Variants in DPP6 observed in about 807,000 individuals in gnomAD.
The protein encoded by DPP6 is A-type potassium channel modulatory protein DPP6.
Under a neutral mutation model 122.6 loss-of-function variants are expected in DPP6, and 69 were observed. The observed-to-expected ratio is 0.56, with a 90% CI of 0.46 to 0.69. The LOEUF is 0.69. Among genes scored for constraint, DPP6 ranks in the 30% least tolerant of loss-of-function variants. The pLI, the probability that DPP6 is intolerant of heterozygous loss-of-function variation, is 0.00. For synonymous variants in DPP6, 418 were observed against 433.1 expected (o/e 0.97, Z 0.43); for missense variants, 928 against 1,116.9 (o/e 0.83, Z 2.41).
intron 1 of DPP6, among the ~76,000 whole-genome samples, chr7:154,054,029 C>T (rs539541721): frequency 1.4e-5 from 2 of 148,094 alleles, no homozygotes; most frequent in African/African-American, 2.5e-5. Context: ...AAATCCCCGA[C>T]AGGCTCTCAG....
At chr7:154,779,056 CATCA>C (rs1796820392) in intron 10 of DPP6, among the ~76,000 whole-genome samples, 57 of 2,958 alleles carry the variant, frequency 0.019, no homozygotes, top group South Asian at 0.029. Context: ...CTACCCCCAC[CATCA>C]CCACCATCAC....
chr7:154,476,133 CA>C (rs1822714904), intron 3 of DPP6, among the ~76,000 whole-genome samples: 3 of 152,222 alleles, frequency 2.0e-5, no homozygotes, highest in African/African-American at 7.2e-5. Flanking sequence ...TAGGGGCAAT[CA>C]CTTTTCTTTC....
At chr7:153,903,783 G>A (rs895582681) in intron 1 of DPP6, among the ~76,000 whole-genome samples, 3 of 152,112 alleles carry the variant, frequency 2.0e-5, no homozygotes, top group Admixed American at 6.5e-5. Flanking sequence ...CTTTTCAGTT[G>A]TTGGATTTAG....
the DPP6 span, among the ~76,000 whole-genome samples, chr7:153,772,091 G>A: frequency 6.6e-6 from 1 of 152,080 alleles, no homozygotes; most frequent in African/African-American, 2.4e-5. Context: ...ACACTTCACA[G>A]GAAGTATATA....
At chr7:154,658,470 C>T (rs957406788) in intron 6 of DPP6, among the ~76,000 whole-genome samples, 4 of 152,184 alleles carry the variant, frequency 2.6e-5, no homozygotes, top group South Asian at 4.2e-4. Flanking sequence ...CTGGCCGAGA[C>T]GGAAAGGGGA....
intron 7 of DPP6, among the ~76,000 whole-genome samples, chr7:154,717,430 G>T (rs1006982945): frequency 1.3e-5 from 2 of 150,742 alleles, no homozygotes; most frequent in African/African-American, 2.5e-5. Context: ...TCCCAGCACC[G>T]TTCTACTCTC....
the DPP6 span, among the ~76,000 whole-genome samples, chr7:153,822,165 A>T: frequency 1.4e-3 from 189 of 139,550 alleles, 2 homozygotes; most frequent in African/African-American, 4.4e-3. Context: ...AGTGAAAAAT[A>T]GGAAAGGGGG....
chr7:154,766,777 C>G (rs1795926930), intron 8 of DPP6, among the ~76,000 whole-genome samples: 1 of 152,206 alleles, frequency 6.6e-6, no homozygotes, highest in Non-Finnish European at 1.5e-5. Context: ...TTTTCAGTCT[C>G]TTGTCCCAAC....
intron 1 of DPP6, among the ~76,000 whole-genome samples, chr7:154,268,016 A>G (rs1326280474): frequency 6.6e-6 from 1 of 152,020 alleles, no homozygotes; most frequent in African/African-American, 2.4e-5. Flanking sequence ...TTTATCCCTT[A>G]CGAACAAAAG....
chr7:154,445,605 T>C (rs1425118848), intron 1 of DPP6, among the ~76,000 whole-genome samples: 1 of 152,134 alleles, frequency 6.6e-6, no homozygotes. Context: ...ATAGGTGAGT[T>C]GCCCAGTGAA....
At chr7:154,562,729 C>T (rs951048827) in intron 4 of DPP6, among the ~76,000 whole-genome samples, 1 of 152,104 alleles carries the variant, frequency 6.6e-6, no homozygotes, top group Non-Finnish European at 1.5e-5. Context: ...CAAATAATTA[C>T]ATGTATCAAT....
intron 1 of DPP6, among the ~76,000 whole-genome samples, chr7:153,987,144 C>T (rs192790126): frequency 1.1e-4 from 16 of 152,054 alleles, no homozygotes; most frequent in East Asian, 3.9e-4. Flanking sequence ...GATTTTACAC[C>T]CCTGAGTTTT....
At chr7:154,876,178 C>A (rs115785598) in intron 20 of DPP6, 78 bp downstream of exon 20, 4 of 1,431,888 alleles carry the variant, frequency 2.8e-6, no homozygotes, top group Non-Finnish European at 3.6e-6. Flanking sequence ...AGTCACAGTG[C>A]GGGAATGCTT....
intron 3 of DPP6, among the ~76,000 whole-genome samples, chr7:154,504,338 G>T (rs1344722984): frequency 1.3e-5 from 2 of 152,182 alleles, no homozygotes; most frequent in East Asian, 1.9e-4. Flanking sequence ...CTAGGTGTAT[G>T]ATTTCTTGAT....
At chr7:153,886,442 G>C (rs1021769346), upstream of DPP6, among the ~76,000 whole-genome samples, 3 of 152,182 alleles carry the variant, frequency 2.0e-5, no homozygotes, top group Non-Finnish European at 4.4e-5. Context: ...AGGGTAGGGA[G>C]AGCCGTGGGC....
chr7:154,425,477 T>C (rs1049038238), intron 1 of DPP6, among the ~76,000 whole-genome samples: 1 of 152,152 alleles, frequency 6.6e-6, no homozygotes, highest in Non-Finnish European at 1.5e-5. Context: ...GGGCCATCGC[T>C]CATGTTTTGA....
chr7:154,313,880 A>T (rs1022784410), intron 1 of DPP6, among the ~76,000 whole-genome samples: 2 of 150,938 alleles, frequency 1.3e-5, no homozygotes, highest in South Asian at 4.2e-4. Flanking sequence ...GTTCATTTTG[A>T]TGCAGTCTGC....
intron 1 of DPP6, chr7:154,305,177 C>T (rs1806210190): frequency 7.2e-6 from 7 of 967,872 alleles, no homozygotes; most frequent in South Asian, 8.8e-5. Flanking sequence ...CCCCTTCCTG[C>T]ACCCAGCCGC....
intron 7 of DPP6, among the ~76,000 whole-genome samples, chr7:154,708,421 C>CATT (rs1230288438): frequency 6.6e-6 from 1 of 152,164 alleles, no homozygotes; most frequent in East Asian, 1.9e-4. Flanking sequence ...TGCTGGGTGT[C>CATT]ATTAGTGTTC....
Sources: allele counts gnomAD v4.1 joint callset (sites outside exome capture counted in the v4.1 genomes callset), GRCh38; gene constraint gnomAD v4.1.1; transcripts MANE v1.5; gene names NCBI Gene and HGNC (gene_info 2026-07-23, HGNC 2026-07-21).